JADE1: variants seen among roughly 807,000 people sequenced by gnomAD.
The protein encoded by JADE1 is protein Jade-1.
In JADE1, 14 loss-of-function variants were observed where a neutral mutation model predicts 81.8. The ratio of observed to expected loss-of-function variants is 0.17; its 90% CI spans 0.11 to 0.27. JADE1 has a LOEUF of 0.27. JADE1 is among the 10% of genes least tolerant of loss of function. The pLI, the probability that JADE1 is intolerant of heterozygous loss-of-function variation, is 1.00. For missense variants in JADE1, 690 were observed against 1,047.9 expected (o/e 0.66, Z 4.71); for synonymous variants, 353 against 391.9 (o/e 0.90, Z 1.17).
chr4:128,858,553 G>A (rs1730992140), intron 8 of JADE1, among the ~76,000 whole-genome samples: 1 of 151,990 alleles, frequency 6.6e-6, no homozygotes, highest in African/African-American at 2.4e-5. Flanking sequence ...ATTTGGCAAA[G>A]TCGGTTTGTA....
intron 8 of JADE1, among the ~76,000 whole-genome samples, chr4:128,858,001 G>A (rs1252885790): frequency 6.6e-6 from 1 of 152,138 alleles, no homozygotes; most frequent in African/African-American, 2.4e-5. Flanking sequence ...TGGGTAGAGG[G>A]GCATCTGTGA....
At chr4:128,812,852 TC>T (rs771480253) in intron 1 of JADE1, among the ~76,000 whole-genome samples, 7 of 152,262 alleles carry the variant, frequency 4.6e-5, no homozygotes, top group Non-Finnish European at 8.8e-5. Context: ...ATTTAAATTT[TC>T]TTTTGTAAAA....
At chr4:128,843,883 T>C (rs1415220269) in intron 3 of JADE1, among the ~76,000 whole-genome samples, 13 of 152,172 alleles carry the variant, frequency 8.5e-5, no homozygotes, top group Admixed American at 8.5e-4. Flanking sequence ...GCTGCCCTGC[T>C]GTGGAGTGGA....
chr4:128,849,604 A>G (rs1443276871), intron 5 of JADE1, among the ~76,000 whole-genome samples: 1 of 152,176 alleles, frequency 6.6e-6, no homozygotes, highest in Non-Finnish European at 1.5e-5. Flanking sequence ...TTCCAAGCAC[A>G]TCATGTGTGT....
chr4:128,830,024 C>T lies in JADE1; in HGVS notation c.-26-1709C>T, dbSNP rs529183842. Among the ~76,000 whole-genome samples, 295 of 151,288 alleles carry T rather than the reference C, an allele frequency of 1.9e-3. 1 individual carries two copies. Among genetic ancestry groups the T allele is most frequent in the Non-Finnish European group, 2.6e-3 (175 of 67,888 alleles). The stretch of plus-strand genomic sequence containing the variant: ...TCCTGAGTAGCTGGGATTACAGATG[C>T]GCGCCACCACGCACGGCTAATTTTT... On this transcript the variant is annotated intron_variant, in intron 1 of 10. Transcript: ENST00000226319.
Position 128,861,885 on chromosome 4 carries a change from C to T in JADE1, c.1163C>T (p.Ala388Val), listed in dbSNP as rs780380435. The T allele has an allele frequency of 3.7e-6, 6 of 1,614,054 alleles. No homozygotes were observed. Among genetic ancestry groups the T allele is most frequent in the African/African-American group, 1.3e-5 (1 of 75,038 alleles). Residue 388 changes from alanine to valine, a missense_variant, in exon 9 of 11, where the codon GCC becomes GTC. Coordinates refer to ENST00000226319, the MANE Select transcript of JADE1 (RefSeq NM_199320.4). ...LGKGAAQENG[A>V]PECSPRNPLE... is the part of the protein sequence containing the mutation. ...AAGGGGGCTGCACAGGAGAATGGGG[C>T]CCCTGAGTGTTCCCCCCGGAATCCG...
chr4:128,834,127 C>T (rs17013763), intron 2 of JADE1, among the ~76,000 whole-genome samples: 2,112 of 152,242 alleles, frequency 0.014, 49 homozygotes, highest in African/African-American at 0.047. Flanking sequence ...GTCTTAGTAG[C>T]GCAGAAGGCC....
rs761467112 is a variant in JADE1 at position 128,862,110 on chromosome 4, A to G, written c.1388A>G (p.Asn463Ser). The G allele has an allele frequency of 2.5e-6, 4 of 1,614,084 alleles. No individual in the cohort carries two copies. The highest frequency in any genetic ancestry group is 1.7e-5 in the Admixed American group (1 of 60,004). ...AAGTTGAAGAGGAAGGTCAACTTCA[A>G]CAAGCCCCTGATCACCCCAAAGAAA... ...YWKLKRKVNF[N>S]KPLITPKKDE... The change falls in exon 9 of 11, where the codon AAC becomes AGC. Residue 463 changes from asparagine to serine, a missense_variant. Around this residue, in one of 8 missense-constraint regions of JADE1, gnomAD observed 63 missense variants for 138.4 expected, o/e 0.46. Transcript: ENST00000226319.
intron 10 of JADE1, among the ~76,000 whole-genome samples, chr4:128,869,445 G>T (rs1732025896): frequency 6.6e-6 from 1 of 152,190 alleles, no homozygotes; most frequent in Non-Finnish European, 1.5e-5. Flanking sequence ...GCTGAGCTGG[G>T]ATCACTAATA....
chr4:128,828,500 C>T (rs2125820067), intron 1 of JADE1, among the ~76,000 whole-genome samples: 1 of 152,282 alleles, frequency 6.6e-6, no homozygotes, highest in Middle Eastern at 3.4e-3. Context: ...GAGCACTAAC[C>T]CCCATACTGT....
At chr4:128,811,735 G>A (rs1181846964) in intron 1 of JADE1, 2 of 149,544 alleles carry the variant, frequency 1.3e-5, no homozygotes, top group East Asian at 4.0e-4. Flanking sequence ...CCCCGGGAAC[G>A]GCCCGAAGCC....
chr4:128,827,864 A>G, intron 1 of JADE1: 1 of 985,216 alleles, frequency 1.0e-6, no homozygotes, highest in Non-Finnish European at 1.2e-6. Flanking sequence ...ATGGATGTGT[A>G]TGAAGATGCT....
chr4:128,865,903 AATATG>A (rs1274097336), intron 9 of JADE1, among the ~76,000 whole-genome samples: 1 of 152,248 alleles, frequency 6.6e-6, no homozygotes, highest in Non-Finnish European at 1.5e-5. Context: ...GTCTGATTTG[AATATG>A]AGAGCAACCT....
intron 2 of JADE1, among the ~76,000 whole-genome samples, chr4:128,839,768 G>T (rs971973875): frequency 1.3e-5 from 2 of 152,158 alleles, no homozygotes; most frequent in African/African-American, 2.4e-5. Flanking sequence ...GTTCCACTGT[G>T]ATGGTGTTCC....
chr4:128,855,318 G>A (rs1043897666), intron 6 of JADE1, among the ~76,000 whole-genome samples: 6 of 152,220 alleles, frequency 3.9e-5, no homozygotes, highest in Non-Finnish European at 7.3e-5. Context: ...CGGCAACACA[G>A]CAAAGCAGAT....
chr4:128,854,196 G>C (rs1026318168), intron 6 of JADE1, among the ~76,000 whole-genome samples: 1 of 152,034 alleles, frequency 6.6e-6, no homozygotes, highest in African/African-American at 2.4e-5. Flanking sequence ...AAGCTCTCAC[G>C]GTGGACGTGT....
At chr4:128,821,493 CT>C (rs66551703) in intron 1 of JADE1, among the ~76,000 whole-genome samples, 80,812 of 118,646 alleles carry the variant, frequency 0.68, 26,580 homozygotes, top group South Asian at 0.86. Context: ...ATGGCTTCTT[CT>C]TTTTTTTTTT....
intron 1 of JADE1, among the ~76,000 whole-genome samples, chr4:128,818,378 C>T (rs187575854): frequency 2.5e-4 from 38 of 152,294 alleles, no homozygotes; most frequent in African/African-American, 8.7e-4. Context: ...GCCTCAGCCT[C>T]CCCAAGTGGT....
intron 2 of JADE1, among the ~76,000 whole-genome samples, chr4:128,842,557 C>G (rs967809349): frequency 6.6e-6 from 1 of 152,194 alleles, no homozygotes; most frequent in African/African-American, 2.4e-5. Context: ...GCCTTGGCTT[C>G]CCAAAGTGCT....
Sources: allele counts gnomAD v4.1 joint callset (sites outside exome capture counted in the v4.1 genomes callset), GRCh38; gene constraint gnomAD v4.1.1; regional missense constraint gnomAD v4.1.1; transcripts MANE v1.5; gene names NCBI Gene and HGNC (gene_info 2026-07-23, HGNC 2026-07-21).